Variants in KCNH5 observed in about 807,000 individuals in gnomAD.
KCNH5 encodes potassium voltage-gated channel subfamily H member 5, also known as voltage-gated delayed rectifier potassium channel KCNH5.
Under a neutral mutation model 96.1 loss-of-function variants are expected in KCNH5, and 46 were observed. The ratio of observed to expected loss-of-function variants is 0.48; its 90% confidence interval spans 0.38 to 0.61. The LOEUF is 0.61. Ranked by LOEUF, KCNH5 falls within the 20% of genes least tolerant of loss-of-function variation. The pLI is 0.00. For missense variants in KCNH5, 907 were observed against 1,225.8 expected, an observed-to-expected ratio of 0.74 and a Z score of 3.88; for synonymous variants, 439 against 449.8, an observed-to-expected ratio of 0.98 and a Z score of 0.30.
At chr14:62,873,326 A>T (rs1006373405) in intron 7 of KCNH5, among the ~76,000 whole-genome samples, 1 of 152,214 alleles carries the variant, frequency 6.6e-6, no homozygotes. Flanking sequence ...TAGAGGATAC[A>T]TGAAGGACAG....
chr14:62,942,909 A>G (rs1464704697), intron 7 of KCNH5, among the ~76,000 whole-genome samples: 2 of 152,196 alleles, frequency 1.3e-5, no homozygotes, highest in Non-Finnish European at 2.9e-5. Flanking sequence ...TCATTGACAT[A>G]TACTGCATGG....
chr14:62,713,270 T>C (rs1413174174), intron 10 of KCNH5, among the ~76,000 whole-genome samples: 1 of 108,974 alleles, frequency 9.2e-6, no homozygotes, highest in Admixed American at 1.1e-4. Flanking sequence ...AAAGAATCAG[T>C]GCTATCTGTA....
intron 8 of KCNH5, among the ~76,000 whole-genome samples, chr14:62,816,068 G>T (rs2140012181): frequency 6.6e-6 from 1 of 151,928 alleles, no homozygotes; most frequent in East Asian, 1.9e-4. Flanking sequence ...TATGCCATAT[G>T]TGTGTATATT....
intron 7 of KCNH5, among the ~76,000 whole-genome samples, chr14:62,937,052 A>T (rs1889698474): frequency 6.6e-6 from 1 of 151,724 alleles, no homozygotes. Flanking sequence ...AGGGAAAAAT[A>T]ATCAAGCTAC....
At chr14:62,930,379 G>T (rs535284167) in intron 7 of KCNH5, among the ~76,000 whole-genome samples, 1 of 152,074 alleles carries the variant, frequency 6.6e-6, no homozygotes, top group Admixed American at 6.6e-5. Flanking sequence ...ACAACAGGGA[G>T]ACATTTTATT....
chr14:62,922,126 G>T (rs1229268584), intron 7 of KCNH5, among the ~76,000 whole-genome samples: 2 of 152,028 alleles, frequency 1.3e-5, no homozygotes, highest in Non-Finnish European at 2.9e-5. Flanking sequence ...TTTAGATTCA[G>T]TTGCATATAG....
At chr14:62,948,310 C>T (rs1889933015) in intron 7 of KCNH5, among the ~76,000 whole-genome samples, 1 of 151,966 alleles carries the variant, frequency 6.6e-6, no homozygotes, top group African/African-American at 2.4e-5. Flanking sequence ...GTCTTTATAG[C>T]AGCATATAAA....
At position 62,999,051 on chromosome 14, in the gene KCNH5, T is replaced by A. The variant is rs555541495; in HGVS notation, c.433+2280A>T. ...TTTATAGTCCTTTGGGTATATACCC[T>A]GTAATGGGATGGCTGGGTCAAATGG... On this transcript the variant is annotated intron_variant, in intron 4 of 10. Transcript: ENST00000322893. 5.1e-4 allele frequency among the ~76,000 whole-genome samples: 77 copies of A among 152,310 alleles called. 1 individual carries two copies. Among genetic ancestry groups the A allele is most frequent in the African/African-American group, 1.7e-3 (72 of 41,586 alleles).
chr14:62,738,984 G>C (rs2139932636), intron 10 of KCNH5, among the ~76,000 whole-genome samples: 1 of 152,238 alleles, frequency 6.6e-6, no homozygotes, highest in African/African-American at 2.4e-5. Flanking sequence ...CAGAGAAAGG[G>C]GGAGGATGTA....
At position 62,980,823 on chromosome 14, in the gene KCNH5, T is replaced by A. The variant is rs1412652956; in HGVS notation, c.942+49A>T. 6 of 1,572,792 alleles carry A rather than the reference T, an allele frequency of 3.8e-6. No individual in the cohort carries two copies. The East Asian group carries it at 1.1e-4, about 29-fold the overall frequency. On this transcript the variant is annotated intron_variant, in intron 6 of 10. Coordinates refer to ENST00000322893, the MANE Select transcript of KCNH5 (RefSeq NM_139318.5). ...GTGGAATCCATTTATCCTGATGTTT[T>A]CAAAATATATGACCCACAGTACTCA...
At chr14:62,956,360 G>A (rs1025136099) in intron 6 of KCNH5, among the ~76,000 whole-genome samples, 1 of 152,156 alleles carries the variant, frequency 6.6e-6, no homozygotes. Context: ...GAGAGGGGCA[G>A]TGATTACAAA....
chr14:62,876,254 T>C (rs1469742999), intron 7 of KCNH5, among the ~76,000 whole-genome samples: 1 of 152,230 alleles, frequency 6.6e-6, no homozygotes. Flanking sequence ...GTTGATAACA[T>C]ATTTAATAGT....
At chr14:62,880,109 C>G (rs1164232847) in intron 7 of KCNH5, among the ~76,000 whole-genome samples, 1 of 152,102 alleles carries the variant, frequency 6.6e-6, no homozygotes, top group African/African-American at 2.4e-5. Context: ...ATGTGGGAGA[C>G]ACTAAACTAA....
At chr14:62,880,876 T>C (rs1888477901) in intron 7 of KCNH5, among the ~76,000 whole-genome samples, 1 of 152,226 alleles carries the variant, frequency 6.6e-6, no homozygotes, top group Non-Finnish European at 1.5e-5. Context: ...AAATAAGTCC[T>C]GGATGTTTGT....
intron 9 of KCNH5, among the ~76,000 whole-genome samples, chr14:62,785,789 TA>T (rs1886308802): frequency 6.6e-6 from 1 of 152,226 alleles, no homozygotes; most frequent in Non-Finnish European, 1.5e-5. Context: ...ATGGTATGCT[TA>T]GGGATTATGG....
chr14:62,854,023 AAAAAC>A lies in KCNH5; in HGVS notation c.1370-4176_1370-4172del, dbSNP rs1459255272. On this transcript the variant is annotated intron_variant, in intron 7 of 10. Transcript: ENST00000322893. ...CTCTGTCAAAAAAAAAAAAAACAAA[AAAAAC>A]AAAAAAAACAACCCTCATTCATCAC... Among the ~76,000 whole-genome samples, 74 of 150,768 alleles carry A rather than the reference AAAAAC, an allele frequency of 4.9e-4. 2 individuals are homozygous for A. Among genetic ancestry groups the A allele is most frequent in the East Asian group, 1.8e-3 (9 of 5,106 alleles).
chr14:62,908,702 A>C (rs1300682383), intron 7 of KCNH5, among the ~76,000 whole-genome samples: 2 of 151,390 alleles, frequency 1.3e-5, no homozygotes, highest in Non-Finnish European at 2.9e-5. Context: ...CTTCGCTGTG[A>C]AAGAATTTTT....
At chr14:62,987,236 G>A (rs756405170) in intron 4 of KCNH5, 49 bp from the exon 5 acceptor site, 3 of 1,266,848 alleles carry the variant, frequency 2.4e-6, no homozygotes, top group Non-Finnish European at 3.5e-6. Flanking sequence ...AATGAATAAG[G>A]AATCCAACAT....
At chr14:62,845,705 C>A (rs965070597) in intron 8 of KCNH5, among the ~76,000 whole-genome samples, 1 of 152,018 alleles carries the variant, frequency 6.6e-6, no homozygotes, top group Admixed American at 6.6e-5. Flanking sequence ...TTGTCTTAAG[C>A]AACTGAAAGG....
Sources: gnomAD v4.1 joint callset for allele counts (sites outside exome capture counted in the v4.1 genomes callset) on GRCh38, gnomAD v4.1.1 for gene constraint, MANE v1.5 for transcripts, NCBI Gene and HGNC (gene_info 2026-07-23, HGNC 2026-07-21) for gene names.